DNAJC5B: variants seen among roughly 807,000 people sequenced by gnomAD.
DNAJC5B encodes the protein dnaJ homolog subfamily C member 5B.
In DNAJC5B, 23 loss-of-function variants were observed where a neutral mutation model predicts 24.7. That is an observed-to-expected ratio of 0.93 (90% CI 0.67 to 1.32). The LOEUF (loss-of-function observed/expected upper bound fraction) is 1.32, where lower values mean the gene tolerates loss of function less well. Ranked by LOEUF, DNAJC5B falls within the 40% of genes most tolerant of loss-of-function variation. The pLI, the probability that DNAJC5B is intolerant of heterozygous loss-of-function variation, is 0.00. For missense variants in DNAJC5B, 238 were observed against 240.8 expected (o/e 0.99, Z 0.08); for synonymous variants, 101 against 90.1 (o/e 1.12, Z -0.68).
chr8:66,067,904 C>G (rs115299389), intron 3 of DNAJC5B, among the ~76,000 whole-genome samples: 2,627 of 152,280 alleles, frequency 0.017, 62 homozygotes, highest in African/African-American at 0.059. Flanking sequence ...AATGCTTGTT[C>G]TTTTAAGTTC....
intron 2 of DNAJC5B, among the ~76,000 whole-genome samples, chr8:66,045,001 A>G (rs1434426449): frequency 6.6e-6 from 1 of 152,258 alleles, no homozygotes; most frequent in African/African-American, 2.4e-5. Context: ...TTCTCAGGAC[A>G]TAACATCTTT....
At chr8:66,081,833 C>CCT (rs1807602688) in intron 5 of DNAJC5B, among the ~76,000 whole-genome samples, 1 of 152,104 alleles carries the variant, frequency 6.6e-6, no homozygotes. Flanking sequence ...TTTTTTATTA[C>CCT]TGACCTTGAA....
rs189225900 is a variant in DNAJC5B, at chr8:66,080,579, T to G, written c.505+31T>G. 81 of 1,549,392 alleles carry G rather than the reference T, an allele frequency of 5.2e-5. No individual in the cohort carries two copies. The East Asian group carries it at 1.8e-3, about 34-fold the overall frequency. Reference sequence around the variant, plus strand: ...GTAGGATGAGAGCAGAGGTAGTGAGTGTCCATTCATAGGCCTGAGCAAGCA... The same window carrying G: ...GTAGGATGAGAGCAGAGGTAGTGAGGGTCCATTCATAGGCCTGAGCAAGCA... On this transcript the variant is annotated intron_variant, in intron 5 of 5. Transcript: ENST00000276570.
chr8:66,047,867 G>A (rs563457948), intron 2 of DNAJC5B, among the ~76,000 whole-genome samples: 6 of 152,268 alleles, frequency 3.9e-5, no homozygotes, highest in Non-Finnish European at 8.8e-5. Context: ...GGGAGTAAAT[G>A]TAGCCTTCCT....
intron 1 of DNAJC5B, among the ~76,000 whole-genome samples, chr8:66,038,875 A>T (rs527963333): frequency 3.6e-4 from 55 of 152,352 alleles, no homozygotes; most frequent in African/African-American, 1.1e-3. Flanking sequence ...CACACATGTG[A>T]AATACATATT....
chr8:66,081,995 T>C (rs1342217967), intron 5 of DNAJC5B, among the ~76,000 whole-genome samples: 1 of 152,116 alleles, frequency 6.6e-6, no homozygotes, highest in East Asian at 1.9e-4. Flanking sequence ...GAGTAATGTA[T>C]GCATGGAAAC....
intron 3 of DNAJC5B, among the ~76,000 whole-genome samples, chr8:66,067,024 G>A (rs541283740): frequency 6.6e-6 from 1 of 152,120 alleles, no homozygotes; most frequent in South Asian, 2.1e-4. Context: ...ATGTGTAACA[G>A]CATGTAAGGC....
At chr8:66,051,484 G>C (rs1806842248) in intron 2 of DNAJC5B, 47 bp from the exon 3 acceptor site, 4 of 1,083,664 alleles carry the variant, frequency 3.7e-6, no homozygotes, top group South Asian at 1.4e-5. Context: ...CCTTTAGAGA[G>C]TGGGAAGTAG....
At chr8:66,049,268 T>A (rs532782311) in intron 2 of DNAJC5B, among the ~76,000 whole-genome samples, 1 of 152,350 alleles carries the variant, frequency 6.6e-6, no homozygotes, top group African/African-American at 2.4e-5. Flanking sequence ...AATGCTGGTG[T>A]AAACAAACCT....
intron 5 of DNAJC5B, among the ~76,000 whole-genome samples, chr8:66,082,276 G>A (rs1453086473): frequency 2.0e-5 from 3 of 151,874 alleles, no homozygotes; most frequent in Admixed American, 2.0e-4. Context: ...TTCCTTTACA[G>A]TGGGAAAACC....
At chr8:66,055,739 T>G (rs983776352) in intron 3 of DNAJC5B, among the ~76,000 whole-genome samples, 15 of 152,112 alleles carry the variant, frequency 9.9e-5, no homozygotes, top group African/African-American at 3.6e-4. Context: ...GGTCAGGAGT[T>G]TGAGACCAGC....
chr8:66,083,135 C>A (rs1010824404), intron 5 of DNAJC5B, among the ~76,000 whole-genome samples: 1 of 151,478 alleles, frequency 6.6e-6, no homozygotes, highest in Non-Finnish European at 1.5e-5. Flanking sequence ...CCTCAGCCTC[C>A]CGAGTAGATG....
intron 1 of DNAJC5B, among the ~76,000 whole-genome samples, chr8:66,038,916 A>T (rs1237868443): frequency 6.6e-6 from 1 of 152,220 alleles, no homozygotes; most frequent in Non-Finnish European, 1.5e-5. Flanking sequence ...AGACTCAGTC[A>T]ATATTTTTTT....
At chr8:66,034,128 G>A (rs1806424984) in intron 1 of DNAJC5B, among the ~76,000 whole-genome samples, 1 of 151,818 alleles carries the variant, frequency 6.6e-6, no homozygotes, top group Admixed American at 6.6e-5. Context: ...ATGACCCTAT[G>A]TGAACACACT....
chr8:66,071,276 G>A lies in DNAJC5B; in HGVS notation c.120-5384G>A, dbSNP rs185677269. Among the ~76,000 whole-genome samples the A allele has an allele frequency of 3.9e-5, 6 of 152,202 alleles. No homozygotes were observed. In the East Asian group the frequency reaches 1.2e-3, roughly 29 times the overall value. Reference sequence around the variant, plus strand: ...AGTGAACAGGCAACCTACAGAATGGGAGAAAATTTTTTGCAATCTATCCAT... The same window carrying A: ...AGTGAACAGGCAACCTACAGAATGGAAGAAAATTTTTTGCAATCTATCCAT... On this transcript the variant is annotated intron_variant, in intron 3 of 5. Transcript: ENST00000276570.
chr8:66,059,173 G>A (rs950707887), intron 3 of DNAJC5B, among the ~76,000 whole-genome samples: 6 of 152,226 alleles, frequency 3.9e-5, no homozygotes, highest in African/African-American at 1.4e-4. Flanking sequence ...AGGGGTTGAA[G>A]TCTAAGGCTC....
chr8:66,095,973 C>G (rs966980450), intron 5 of DNAJC5B, among the ~76,000 whole-genome samples: 1 of 152,104 alleles, frequency 6.6e-6, no homozygotes, highest in Non-Finnish European at 1.5e-5. Flanking sequence ...ACACATTCTG[C>G]ATTTGTTATG....
intron 4 of DNAJC5B, among the ~76,000 whole-genome samples, chr8:66,078,578 C>T (rs938525267): frequency 6.6e-6 from 1 of 151,954 alleles, no homozygotes; most frequent in African/African-American, 2.4e-5. Flanking sequence ...ATGGGAATTG[C>T]ATGGTAAAAA....
intron 1 of DNAJC5B, among the ~76,000 whole-genome samples, chr8:66,037,301 C>T (rs959533254): frequency 6.6e-6 from 1 of 152,176 alleles, no homozygotes. Context: ...AGAAAATTTT[C>T]TGTAGGCTCC....
Sources: gnomAD v4.1 joint callset for allele counts (sites outside exome capture counted in the v4.1 genomes callset) on GRCh38, gnomAD v4.1.1 for gene constraint, MANE v1.5 for transcripts, NCBI Gene and HGNC (gene_info 2026-07-23, HGNC 2026-07-21) for gene names.